AKAP1: variants seen among roughly 807,000 people sequenced by gnomAD.
AKAP1 encodes A-kinase anchoring protein 1, also known as A-kinase anchor protein 1, mitochondrial.
AKAP1 carries 32 observed loss-of-function variants against 79.8 expected under a neutral mutation model. The ratio of observed to expected loss-of-function variants is 0.40; its 90% CI spans 0.30 to 0.54. The LOEUF (loss-of-function observed/expected upper bound fraction) is 0.54. Ranked by LOEUF, AKAP1 falls within the 20% of genes least tolerant of loss-of-function variation. The probability of loss-of-function intolerance (pLI) is 0.47; values close to 1 mark genes in which losing one functional copy is unlikely to be tolerated. For synonymous variants in AKAP1, 416 were observed against 466.7 expected, an observed-to-expected ratio of 0.89 and a Z score of 1.40; for missense variants, 961 against 1,138.9, an observed-to-expected ratio of 0.84 and a Z score of 2.25.
At chr17:57,115,370 C>T (rs1290243084) in intron 6 of AKAP1, among the ~76,000 whole-genome samples, 1 of 152,126 alleles carries the variant, frequency 6.6e-6, no homozygotes, top group Non-Finnish European at 1.5e-5. Context: ...TTGCCTTAAC[C>T]CAGCAGTAAA....
intron 3 of AKAP1, among the ~76,000 whole-genome samples, chr17:57,111,116 G>C (rs555233677): frequency 6.6e-6 from 1 of 152,340 alleles, no homozygotes; most frequent in African/African-American, 2.4e-5. Flanking sequence ...GAAAGGCTGT[G>C]CCTGAGGATG....
chr17:57,098,098 C>A (rs1449896324), intron 1 of AKAP1, among the ~76,000 whole-genome samples: 2 of 152,184 alleles, frequency 1.3e-5, no homozygotes, highest in East Asian at 3.8e-4. Context: ...GCTGCAGGTA[C>A]CTCCCTGGAG....
intron 10 of AKAP1, among the ~76,000 whole-genome samples, chr17:57,119,816 C>T (rs1036256187): frequency 3.3e-5 from 3 of 90,102 alleles, no homozygotes; most frequent in African/African-American, 1.4e-4. Flanking sequence ...AGCCATGTCC[C>T]CCACCCTGTT....
intron 3 of AKAP1, 150 bp downstream of exon 3, chr17:57,110,308 C>T (rs190191465): frequency 6.1e-5 from 66 of 1,089,150 alleles, no homozygotes; most frequent in African/African-American, 2.5e-4. Flanking sequence ...GGAAAGGACA[C>T]GCTACACTTT....
At chr17:57,110,520 A>C (rs953132071) in intron 3 of AKAP1, among the ~76,000 whole-genome samples, 4 of 152,354 alleles carry the variant, frequency 2.6e-5, no homozygotes, top group South Asian at 2.1e-4. Flanking sequence ...GCTCTGCTCA[A>C]GTGCTCCAAG....
At chr17:57,109,759 C>A (rs1469756234) in intron 2 of AKAP1, among the ~76,000 whole-genome samples, 1 of 152,236 alleles carries the variant, frequency 6.6e-6, no homozygotes, top group South Asian at 2.1e-4. Context: ...TGTCTCTGCT[C>A]CAGCAGCTGT....
rs766358459 is a variant in AKAP1, at chr17:57,106,310, C to T, written c.846C>T (p.Asp282=). 60 of 1,614,002 alleles carry T rather than the reference C, an allele frequency of 3.7e-5. No homozygotes were observed. The highest frequency in any genetic ancestry group is 5.3e-5 in the African/African-American group (4 of 74,902). The change falls in exon 2 of 11, where the codon GAC becomes GAT. Residue 282 remains aspartate, a synonymous_variant. Coordinates refer to ENST00000337714, the MANE Select transcript of AKAP1 (RefSeq NM_003488.4). ...IESAHTELAK[D]DAAPAPPVAD... Reference sequence around the variant, plus strand: ...CGGCTCACACAGAGCTGGCAAAGGACGATGCGGCGCCAGCACCCCCAGTCG... The same window carrying T: ...CGGCTCACACAGAGCTGGCAAAGGATGATGCGGCGCCAGCACCCCCAGTCG...
At chr17:57,100,313 C>T (rs533557305) in intron 1 of AKAP1, among the ~76,000 whole-genome samples, 14 of 152,230 alleles carry the variant, frequency 9.2e-5, no homozygotes, top group South Asian at 6.2e-4. Context: ...TGGCCAGGCG[C>T]GGTGGCTCAC....
In AKAP1 at chr17:57,086,385, GAAGA is replaced by G. The variant is rs750024047; in HGVS notation, c.-25+991_-25+994del. On this transcript the variant is annotated intron_variant, in intron 1 of 10. Coordinates refer to ENST00000337714, the MANE Select transcript of AKAP1 (RefSeq NM_003488.4). This position sits in a 1 kb window ranked among gnomAD's most constrained non-coding sequence, Gnocchi z 5.1. ...GTTTCCCTTCCAGGGAGGGATAGGA[GAAGA>G]AAGGTGCTGATCGTGGTAGGCGGTG... 2 of 455,254 alleles carry G rather than the reference GAAGA, an allele frequency of 4.4e-6. No homozygotes were observed. Among genetic ancestry groups the G allele is most frequent in the East Asian group, 1.4e-4 (2 of 14,230 alleles). The allele number at this position is 455,254 out of a possible 1,614,324, so 28.2% of individuals were successfully genotyped here. A position where few individuals can be genotyped will look rare whatever the true frequency, so the allele number is the denominator to read the frequency against.
intron 5 of AKAP1, among the ~76,000 whole-genome samples, chr17:57,114,209 C>T (rs1915435162): frequency 6.6e-6 from 1 of 152,188 alleles, no homozygotes; most frequent in South Asian, 2.1e-4. Context: ...GGGACCCTCC[C>T]TGCCTGGCCC....
chr17:57,118,877 G>A, intron 9 of AKAP1, 105 bp from the exon 10 acceptor site: 1 of 1,274,700 alleles, frequency 7.8e-7, no homozygotes, highest in Non-Finnish European at 1.1e-6. Flanking sequence ...CTCCCACCAG[G>A]TCTCTCCCTC....
chr17:57,106,227 G>A lies in AKAP1; in HGVS notation c.763G>A (p.Gly255Arg), dbSNP rs758377113. Residue 255 changes from glycine to arginine, a missense_variant, in exon 2 of 11, where the codon GGG becomes AGG. Gly to Arg is a moderately radical substitution (Grantham distance 125). Coordinates refer to ENST00000337714, the MANE Select transcript of AKAP1 (RefSeq NM_003488.4). ...GAAGAGCAGCTCATCCCAGGTGGTG[G>A]GGCCAGTGCAGGAGGAAGAGTATGT... ...KGKSSSSQVVGPVQEEEYVAE... is the reference protein window; with the variant it reads ...KGKSSSSQVVRPVQEEEYVAE... 2 of 1,614,192 alleles carry A rather than the reference G, an allele frequency of 1.2e-6. No individual in the cohort carries two copies. Among genetic ancestry groups the A allele is most frequent in the East Asian group, 2.2e-5 (1 of 44,874 alleles).
chr17:57,110,022 C>T lies in AKAP1; in HGVS notation c.1715-3C>T, dbSNP rs1323917437. The T allele has an allele frequency of 6.2e-7, 1 of 1,613,644 alleles. No homozygotes were observed. Among genetic ancestry groups the T allele is most frequent in the Non-Finnish European group, 8.5e-7 (1 of 1,179,766 alleles). ...TGCGTGCCTGCTGCTTCTTCCCCTGCAGGTTCTGACAGGAACAGCATGGAT... is the reference window on the plus strand; with the variant it reads ...TGCGTGCCTGCTGCTTCTTCCCCTGTAGGTTCTGACAGGAACAGCATGGAT... On this transcript the variant is annotated splice_region_variant and splice_polypyrimidine_tract_variant and intron_variant, in intron 2 of 10. Coordinates refer to ENST00000337714, the MANE Select transcript of AKAP1 (RefSeq NM_003488.4).
chr17:57,116,947 G>A lies in AKAP1; in HGVS notation c.2500+20G>A, dbSNP rs760540919. ...TGTCAGGTAACAGCTGAGGCCTTTG[G>A]CTTGGGGGATTGTTGGGGACAGTTG... On this transcript the variant is annotated intron_variant, in intron 8 of 10. Coordinates refer to ENST00000337714, the MANE Select transcript of AKAP1 (RefSeq NM_003488.4). The A allele has an allele frequency of 1.6e-5, 26 of 1,612,126 alleles. No individual in the cohort carries two copies. The highest frequency in any genetic ancestry group is 2.1e-5 in the Non-Finnish European group (25 of 1,178,194).
intron 2 of AKAP1, among the ~76,000 whole-genome samples, chr17:57,107,387 G>A (rs776852132): frequency 6.6e-5 from 10 of 152,226 alleles, no homozygotes; most frequent in Non-Finnish European, 5.9e-5. Context: ...AGTCATGGGA[G>A]CTGTAACTTG....
chr17:57,110,400 CGCAGGCCT>C (rs757425904), intron 3 of AKAP1, among the ~76,000 whole-genome samples: 2 of 152,198 alleles, frequency 1.3e-5, no homozygotes, highest in Non-Finnish European at 2.9e-5. Flanking sequence ...TTCTCAAACT[CGCAGGCCT>C]GTGTGTCTCC....
At chr17:57,093,896 A>G (rs1012267292) in intron 1 of AKAP1, 4 of 151,786 alleles carry the variant, frequency 2.6e-5, no homozygotes, top group African/African-American at 9.7e-5. Flanking sequence ...GCTCGTTCCT[A>G]TGCTTTTTTC....
At chr17:57,110,295 C>T (rs1487546937) in intron 3 of AKAP1, 137 bp downstream of exon 3, 9 of 1,206,542 alleles carry the variant, frequency 7.5e-6, no homozygotes, top group Non-Finnish European at 1.0e-5. Context: ...CCAAAGGCCG[C>T]AGGGAAAGGA....
chr17:57,109,937 T>G, intron 2 of AKAP1, 88 bp from the exon 3 acceptor site: 2 of 1,548,434 alleles, frequency 1.3e-6, no homozygotes, highest in East Asian at 4.6e-5. Context: ...CAGGGCCTCC[T>G]GGGAATGTGA....
Sources: allele counts gnomAD v4.1 joint callset (sites outside exome capture counted in the v4.1 genomes callset), GRCh38; gene constraint gnomAD v4.1.1; non-coding constraint Gnocchi (gnomAD v3.1); transcripts MANE v1.5; gene names NCBI Gene and HGNC (gene_info 2026-07-23, HGNC 2026-07-21).